FOXK1: variants seen among roughly 807,000 people sequenced by gnomAD.
FOXK1 encodes forkhead box K1, also known as forkhead box protein K1.
In FOXK1, 19 loss-of-function variants were observed where a neutral mutation model predicts 51.9. That is an observed-to-expected ratio of 0.37 (90% CI 0.26 to 0.54). The LOEUF is 0.54. FOXK1 is among the 20% of genes least tolerant of loss of function. The pLI is 0.87. For missense variants in FOXK1, 870 were observed against 1,032.7 expected, an observed-to-expected ratio of 0.84 and a Z score of 2.16; for synonymous variants, 537 against 482.6, an observed-to-expected ratio of 1.11 and a Z score of -1.48.
chr7:4,766,102 C>T lies in FOXK1; in HGVS notation c.*3638C>T. On this transcript the variant is annotated 3_prime_UTR_variant, in exon 9 of 9. Transcript: ENST00000328914. The surrounding 1 kb of genome is among the most constrained non-coding windows in gnomAD (Gnocchi z 5.5). ...CATGTGGGAGTTCTCCCGGTGACAC[C>T]TGCCCTCCGTTGAGGGTGGAATCTG... 1 of 152,332 alleles carries T rather than the reference C, an allele frequency of 6.6e-6. No homozygotes were observed. Among genetic ancestry groups the T allele is most frequent in the Non-Finnish European group, 1.5e-5 (1 of 68,102 alleles). 9.4% of individuals were successfully genotyped at this position (152,332 alleles called of 1,614,324 possible).
intron 1 of FOXK1, among the ~76,000 whole-genome samples, chr7:4,724,981 G>A (rs774047759): frequency 2.0e-5 from 3 of 152,212 alleles, no homozygotes; most frequent in Non-Finnish European, 4.4e-5. Context: ...ACAGGGAGAG[G>A]AGAAGTGGGT....
intron 1 of FOXK1, among the ~76,000 whole-genome samples, chr7:4,705,994 GTA>G (rs1178551789): frequency 3.4e-5 from 3 of 88,978 alleles, no homozygotes; most frequent in Admixed American, 2.0e-4. Context: ...GTATATATAC[GTA>G]TATATACGTA....
chr7:4,687,408 T>C (rs1272568727), intron 1 of FOXK1, among the ~76,000 whole-genome samples: 1 of 151,848 alleles, frequency 6.6e-6, no homozygotes, highest in Admixed American at 6.6e-5. Flanking sequence ...TTCTCCTGCC[T>C]CAGCCACCTG....
chr7:4,696,255 G>A (rs1006174777), intron 1 of FOXK1, among the ~76,000 whole-genome samples: 13 of 152,086 alleles, frequency 8.5e-5, no homozygotes, highest in Admixed American at 3.3e-4. Flanking sequence ...AGATTCTGAT[G>A]GATAATAAAG....
chr7:4,689,674 A>C (rs1779868150), intron 1 of FOXK1, among the ~76,000 whole-genome samples: 1 of 152,238 alleles, frequency 6.6e-6, no homozygotes, highest in African/African-American at 2.4e-5. Context: ...TTAGTTATAC[A>C]ATTAGTTATA....
In FOXK1 at chr7:4,682,733, G is replaced by T. The variant is rs772471168; in HGVS notation, c.425G>T (p.Ser142Ile). ...GSVDLSMGLS[S>I]FISRRHLQLS... ...GTGGACTTGAGCATGGGCCTGTCCA[G>T]CTTCATCTCGCGGCGCCACCTGCAG... is the stretch of plus-strand genomic sequence containing the variant. Residue 142 changes from serine to isoleucine, a missense_variant, in exon 1 of 9, where the codon AGC (serine) becomes ATC (isoleucine). By Grantham distance (142) the Ser-to-Ile change is moderately radical (BLOSUM62 -2). Around this residue, in one of 3 missense-constraint regions of FOXK1, gnomAD observed 399 missense variants for 475.6 expected, o/e 0.84. Transcript: ENST00000328914. This position sits in a 1 kb window ranked among gnomAD's most constrained non-coding sequence, Gnocchi z 7.6. 1 of 1,604,204 alleles carries T rather than the reference G, an allele frequency of 6.2e-7. No individual in the cohort carries two copies. The highest frequency in any genetic ancestry group is 1.3e-5 in the African/African-American group (1 of 74,700).
chr7:4,728,458 C>T (rs190562716), intron 1 of FOXK1, among the ~76,000 whole-genome samples: 1 of 152,176 alleles, frequency 6.6e-6, no homozygotes, highest in African/African-American at 2.4e-5. Flanking sequence ...ACTCCACATT[C>T]CTGAGAGAAC....
intron 2 of FOXK1, among the ~76,000 whole-genome samples, chr7:4,751,556 C>T (rs1562388994): frequency 6.6e-6 from 1 of 152,206 alleles, no homozygotes; most frequent in Non-Finnish European, 1.5e-5. Context: ...CTCTGCTTCC[C>T]GCCTCCGTCA....
intron 1 of FOXK1, among the ~76,000 whole-genome samples, chr7:4,684,963 G>A (rs749277379): frequency 3.3e-5 from 5 of 151,950 alleles, no homozygotes; most frequent in South Asian, 2.1e-4. Context: ...CAGGGAGCTC[G>A]TGTTCTCGGT....
Position 4,729,724 on chromosome 7 carries a change from T to C in FOXK1, c.561-11114T>C, listed in dbSNP as rs956516558. Among the ~76,000 whole-genome samples, 5 of 152,176 alleles carry C rather than the reference T, an allele frequency of 3.3e-5. No homozygotes were observed. The highest frequency in any genetic ancestry group is 1.3e-4 in the Admixed American group (2 of 15,284). The stretch of plus-strand genomic sequence containing the variant: ...AGAAACCCTGGCCGGGTGCAGCAGC[T>C]CACGCCTGTAATCCCAGCACTTTGG... On this transcript the variant is annotated intron_variant, in intron 1 of 8. Transcript: ENST00000328914. The surrounding 1 kb of genome is among the most constrained non-coding windows in gnomAD (Gnocchi z 6.2).
In FOXK1 at chr7:4,703,436, C is replaced by T. The variant is rs902901577; in HGVS notation, c.560+20568C>T. ...ATGCGGAGAACCCGCGTCTGCAGGG[C>T]TGGTGGCGTCCAGCACAGGGCAGGG... On this transcript the variant is annotated intron_variant, in intron 1 of 8. Coordinates refer to ENST00000328914, the MANE Select transcript of FOXK1 (RefSeq NM_001037165.2). The surrounding 1 kb of genome is among the most constrained non-coding windows in gnomAD (Gnocchi z 5.6). Among the ~76,000 whole-genome samples the T allele has an allele frequency of 1.3e-5, 2 of 152,302 alleles. No individual in the cohort carries two copies. Among genetic ancestry groups the T allele is most frequent in the African/African-American group, 4.8e-5 (2 of 41,564 alleles).
At position 4,758,635 on chromosome 7, in the gene FOXK1, T is replaced by TGGGCGACAA; in HGVS notation, c.1245-415_1245-414insGGCGACAAG. 1 of 186,626 alleles carries TGGGCGACAA rather than the reference T, an allele frequency of 5.4e-6. No homozygotes were observed. Among genetic ancestry groups the TGGGCGACAA allele is most frequent in the Non-Finnish European group, 1.1e-5 (1 of 91,002 alleles). 11.6% of individuals were successfully genotyped at this position (186,626 alleles called of 1,614,324 possible). A position where few individuals can be genotyped will look rare whatever the true frequency, so the allele number is the denominator to read the frequency against. On this transcript the variant is annotated intron_variant, in intron 5 of 8. Transcript: ENST00000328914. This position sits in a 1 kb window ranked among gnomAD's most constrained non-coding sequence, Gnocchi z 4.4. The stretch of plus-strand genomic sequence containing the variant: ...CGAACGTCATTTGCAGCATTTAAAC[T>TGGGCGACAA]GAGCTCCAAATGACGTTCAAACACC...
Position 4,766,504 on chromosome 7 carries a change from TC to T in FOXK1, c.*4043del, listed in dbSNP as rs1229258935. ...TTGGGATTTGCTGTTTATTTGTATC[TC>T]CCTTTTCTTTGATTTAAGAACAATG... On this transcript the variant is annotated 3_prime_UTR_variant, in exon 9 of 9. Transcript: ENST00000328914. The surrounding 1 kb of genome is among the most constrained non-coding windows in gnomAD (Gnocchi z 5.5). 4 of 152,240 alleles carry T rather than the reference TC, an allele frequency of 2.6e-5. No individual in the cohort carries two copies. The highest frequency in any genetic ancestry group is 7.2e-5 in the African/African-American group (3 of 41,450). The allele number at this position is 152,240 out of a possible 1,614,324, so 9.4% of individuals were successfully genotyped here. A position where few individuals can be genotyped will look rare whatever the true frequency, so the allele number is the denominator to read the frequency against.
At chr7:4,736,421 T>G (rs544285553) in intron 1 of FOXK1, among the ~76,000 whole-genome samples, 7 of 151,136 alleles carry the variant, frequency 4.6e-5, no homozygotes, top group South Asian at 4.2e-4. Context: ...TTTGTTTTTT[T>G]TTTTTTTTTA....
chr7:4,750,054 C>T (rs1455550319), intron 2 of FOXK1, among the ~76,000 whole-genome samples: 3 of 152,182 alleles, frequency 2.0e-5, no homozygotes, highest in Middle Eastern at 3.2e-3. Context: ...CCGGGAGACC[C>T]GTACTCAGAA....
chr7:4,712,508 T>TAAA (rs1322878856), intron 1 of FOXK1, among the ~76,000 whole-genome samples: 2 of 152,156 alleles, frequency 1.3e-5, no homozygotes, highest in Non-Finnish European at 2.9e-5. Context: ...TAAACACTTC[T>TAAA]CAGAGGCAGC....
At position 4,711,078 on chromosome 7, in the gene FOXK1, G is replaced by A. The variant is rs1437559703; in HGVS notation, c.560+28210G>A. On this transcript the variant is annotated intron_variant, in intron 1 of 8. Transcript: ENST00000328914. This position sits in a 1 kb window ranked among gnomAD's most constrained non-coding sequence, Gnocchi z 6.3. ...GAGAAGATGGAGATGGATGGAGACG[G>A]CTGTCCATCAGCTGTGCAGGGCCAA... 2.0e-5 allele frequency among the ~76,000 whole-genome samples: 3 copies of A among 152,166 alleles called. No homozygotes were observed. Among genetic ancestry groups the A allele is most frequent in the Non-Finnish European group, 4.4e-5 (3 of 68,034 alleles).
rs1780932119 is a variant in FOXK1 at position 4,761,501 on chromosome 7, G to A, written c.1921+213G>A. Among the ~76,000 whole-genome samples, 1 of 152,206 alleles carries A rather than the reference G, an allele frequency of 6.6e-6. No homozygotes were observed. Reference sequence around the variant, plus strand: ...CCAGCACCTTGGGAGGCCAAGGCAGGCAGATCGCTTGAGCTCAGGAGTTCG... The same window carrying A: ...CCAGCACCTTGGGAGGCCAAGGCAGACAGATCGCTTGAGCTCAGGAGTTCG... On this transcript the variant is annotated intron_variant, in intron 8 of 8. Coordinates refer to ENST00000328914, the MANE Select transcript of FOXK1 (RefSeq NM_001037165.2). This position sits in a 1 kb window ranked among gnomAD's most constrained non-coding sequence, Gnocchi z 6.2.
chr7:4,696,972 G>A (rs1779961284), intron 1 of FOXK1, among the ~76,000 whole-genome samples: 1 of 152,198 alleles, frequency 6.6e-6, no homozygotes, highest in African/African-American at 2.4e-5. Flanking sequence ...GGAGACAGAG[G>A]CAGGAGAATC....
Sources: gnomAD v4.1 joint callset for allele counts (sites outside exome capture counted in the v4.1 genomes callset) on GRCh38, gnomAD v4.1.1 for gene constraint, gnomAD v4.1.1 regional missense constraint, Gnocchi (gnomAD v3.1) non-coding constraint, MANE v1.5 for transcripts, NCBI Gene and HGNC (gene_info 2026-07-23, HGNC 2026-07-21) for gene names.